ASAP3: variants seen among roughly 807,000 people sequenced by gnomAD.
ASAP3 encodes the protein ArfGAP with SH3 domain, ankyrin repeat and PH domain 3.
ASAP3 carries 85 observed loss-of-function variants against 118.2 expected under a neutral mutation model. The observed-to-expected ratio is 0.72, with a 90% CI of 0.60 to 0.86. ASAP3 has a LOEUF of 0.86. Ranked by LOEUF, ASAP3 falls within the 40% of genes least tolerant of loss-of-function variation. ASAP3 has a pLI of 0.00. For missense variants in ASAP3, 1,026 were observed against 1,175.0 expected, an observed-to-expected ratio of 0.87 and a Z score of 1.85; for synonymous variants, 432 against 477.4, an observed-to-expected ratio of 0.90 and a Z score of 1.24.
chr1:23,477,571 G>GGTAACTAA (rs1246987109), intron 1 of ASAP3, among the ~76,000 whole-genome samples: 3 of 151,922 alleles, frequency 2.0e-5, no homozygotes, highest in Non-Finnish European at 4.4e-5. Context: ...GGAGATGGGA[G>GGTAACTAA]GTAACTAAGG....
At position 23,436,872 on chromosome 1, in the gene ASAP3, T is replaced by A. The variant is rs776592732; in HGVS notation, c.1476+39A>T. Reference sequence around the variant, plus strand: ...CCCCGGATGAAACTACACCCCTAACTCCGCTTCTGGCCCCTTCCAGGCCCC... The same window carrying A: ...CCCCGGATGAAACTACACCCCTAACACCGCTTCTGGCCCCTTCCAGGCCCC... On this transcript the variant is annotated intron_variant, in intron 15 of 24. Transcript: ENST00000336689. This position sits in a 1 kb window ranked among gnomAD's most constrained non-coding sequence, Gnocchi z 4.2. The A allele has an allele frequency of 8.0e-6, 12 of 1,498,566 alleles. No homozygotes were observed. Among genetic ancestry groups the A allele is most frequent in the Non-Finnish European group, 1.1e-5 (12 of 1,113,318 alleles). 92.8% of individuals were successfully genotyped at this position (1,498,566 alleles called of 1,614,324 possible). A position where few individuals can be genotyped will look rare whatever the true frequency, so the allele number is the denominator to read the frequency against.
intron 5 of ASAP3, among the ~76,000 whole-genome samples, chr1:23,446,674 G>A (rs1641057163): frequency 6.6e-6 from 1 of 152,098 alleles, no homozygotes; most frequent in Admixed American, 6.6e-5. Context: ...CTGACCTCAG[G>A]TGATCTGCCT....
chr1:23,479,265 G>C (rs1642231336), intron 1 of ASAP3, among the ~76,000 whole-genome samples: 1 of 132,542 alleles, frequency 7.5e-6, no homozygotes, highest in African/African-American at 2.5e-5. Context: ...GCACTGATCA[G>C]ATGTGCAGAG....
At chr1:23,439,065 G>T in intron 11 of ASAP3, 96 bp downstream of exon 11, 1 of 1,474,648 alleles carries the variant, frequency 6.8e-7, no homozygotes, top group Non-Finnish European at 9.4e-7. Context: ...AGGTTTGGGG[G>T]CCAGTCTTAG....
intron 1 of ASAP3, among the ~76,000 whole-genome samples, chr1:23,474,728 G>A (rs1316741350): frequency 6.6e-6 from 1 of 152,050 alleles, no homozygotes. Flanking sequence ...GACTACAGGT[G>A]CGTGCCACCA....
At chr1:23,433,906 T>C (rs1229976577) in intron 19 of ASAP3, among the ~76,000 whole-genome samples, 1 of 152,232 alleles carries the variant, frequency 6.6e-6, no homozygotes, top group Non-Finnish European at 1.5e-5. Context: ...GAAGTGGTTG[T>C]GAGGATTCAA....
chr1:23,433,335 C>T (rs779809544), intron 21 of ASAP3, 63 bp from the exon 22 acceptor site: 39 of 1,609,840 alleles, frequency 2.4e-5, no homozygotes, highest in South Asian at 3.3e-5. Context: ...CCTGTCCCCC[C>T]GCCTCACCGC....
intron 4 of ASAP3, among the ~76,000 whole-genome samples, chr1:23,451,809 G>A (rs563717262): frequency 1.1e-4 from 17 of 152,306 alleles, no homozygotes; most frequent in Admixed American, 4.6e-4. Context: ...GGCTTGGGGT[G>A]TGAAGAGATC....
At chr1:23,450,486 A>C (rs1430161259) in intron 5 of ASAP3, among the ~76,000 whole-genome samples, 1 of 152,144 alleles carries the variant, frequency 6.6e-6, no homozygotes, top group Non-Finnish European at 1.5e-5. Flanking sequence ...TAGAAAAATA[A>C]ATGTTAAAAT....
At chr1:23,448,624 GTAT>G (rs750881475) in intron 5 of ASAP3, among the ~76,000 whole-genome samples, 4 of 151,318 alleles carry the variant, frequency 2.6e-5, no homozygotes, top group African/African-American at 4.9e-5. Context: ...TATTATATAT[GTAT>G]TATTATTATC....
chr1:23,435,612 G>A lies in ASAP3; in HGVS notation c.1749+239C>T, dbSNP rs1640609161. On this transcript the variant is annotated intron_variant, in intron 17 of 24. Coordinates refer to ENST00000336689, the MANE Select transcript of ASAP3 (RefSeq NM_017707.4). ...TATTATTAACCCCTTTTATAGATGA[G>A]GAAATGAGACTCAGAGAAGTAACCT... 3 of 580,872 alleles carry A rather than the reference G, an allele frequency of 5.2e-6. No homozygotes were observed. In the East Asian group the frequency reaches 8.7e-5, roughly 17 times the overall value. The allele number at this position is 580,872 out of a possible 1,614,324, so 36.0% of individuals were successfully genotyped here.
chr1:23,460,462 G>A (rs886471380), intron 1 of ASAP3, among the ~76,000 whole-genome samples: 7 of 139,760 alleles, frequency 5.0e-5, no homozygotes, highest in Admixed American at 1.5e-4. Context: ...AGCTGAGACA[G>A]TGCCACTGCA....
Position 23,437,542 on chromosome 1 carries a change from C to G in ASAP3, c.1103-70G>C. ...GCCTTCCCGGAGCCCAGGGAGCCCC[C>G]ACCAAAGCCGCTGGGGCCACATGGA... On this transcript the variant is annotated intron_variant, in intron 12 of 24. Transcript: ENST00000336689. This position sits in a 1 kb window ranked among gnomAD's most constrained non-coding sequence, Gnocchi z 6.1. 3 of 1,589,316 alleles carry G rather than the reference C, an allele frequency of 1.9e-6. No homozygotes were observed. Among genetic ancestry groups the G allele is most frequent in the Non-Finnish European group, 2.6e-6 (3 of 1,163,758 alleles).
At chr1:23,440,855 CAAAAAAAA>C (rs35532104) in intron 10 of ASAP3, among the ~76,000 whole-genome samples, 1 of 109,970 alleles carries the variant, frequency 9.1e-6, no homozygotes, top group Non-Finnish European at 1.9e-5. Flanking sequence ...GACTCTATCT[CAAAAAAAA>C]AAAAAAAAAA....
intron 23 of ASAP3, among the ~76,000 whole-genome samples, chr1:23,431,443 G>T (rs1331954261): frequency 6.6e-6 from 1 of 152,184 alleles, no homozygotes; most frequent in Admixed American, 6.5e-5. Context: ...GCCACACAGG[G>T]GGCTAAGCCT....
At chr1:23,442,683 T>C (rs757329766) in intron 5 of ASAP3, 71 bp from the exon 6 acceptor site, 11 of 1,557,970 alleles carry the variant, frequency 7.1e-6, no homozygotes, top group African/African-American at 5.5e-5. Flanking sequence ...CAAGGATGCA[T>C]GAGCAAAGGG....
intron 1 of ASAP3, among the ~76,000 whole-genome samples, chr1:23,480,535 C>T (rs774713724): frequency 1.2e-4 from 19 of 152,228 alleles, no homozygotes; most frequent in Admixed American, 1.3e-4. Context: ...CCACTTGCCT[C>T]TTATGGCATT....
In ASAP3 at chr1:23,429,306, T is replaced by C. The variant is rs1640343027; in HGVS notation, c.*550A>G. The C allele has an allele frequency of 6.5e-6, 1 of 153,108 alleles. No homozygotes were observed. The highest frequency in any genetic ancestry group is 2.4e-5 in the African/African-American group (1 of 41,448). 9.5% of individuals were successfully genotyped at this position (153,108 alleles called of 1,614,324 possible). On this transcript the variant is annotated 3_prime_UTR_variant, in exon 25 of 25. Transcript: ENST00000336689. Reference sequence around the variant, plus strand: ...CCCTGCCTATTCCCAAGCCCAACCCTTAAGACCAGCTTTCCACCAAAGGAC... The same window carrying C: ...CCCTGCCTATTCCCAAGCCCAACCCCTAAGACCAGCTTTCCACCAAAGGAC...
chr1:23,431,144 C>T lies in ASAP3; in HGVS notation c.2547-19G>A, dbSNP rs1294286396. ...CTCGGAGCTGGAAGGCAGGGAAAGG[C>T]CAACATGACCCTCATGTCCAGAGAG... On this transcript the variant is annotated intron_variant, in intron 23 of 24. Coordinates refer to ENST00000336689, the MANE Select transcript of ASAP3 (RefSeq NM_017707.4). The T allele has an allele frequency of 6.4e-7, 1 of 1,566,778 alleles. No individual in the cohort carries two copies. Among genetic ancestry groups the T allele is most frequent in the African/African-American group, 1.3e-5 (1 of 74,144 alleles).
Sources: allele counts gnomAD v4.1 joint callset (sites outside exome capture counted in the v4.1 genomes callset), GRCh38; gene constraint gnomAD v4.1.1; non-coding constraint Gnocchi (gnomAD v3.1); transcripts MANE v1.5; gene names NCBI Gene and HGNC (gene_info 2026-07-23, HGNC 2026-07-21).